Variants in SPEF2 observed in about 807,000 individuals in gnomAD.
SPEF2 encodes sperm flagella and cilia-associated protein 2.
A neutral mutation model predicts 224.6 loss-of-function variants in SPEF2; 187 were observed. That is an observed-to-expected ratio of 0.83 (90% CI 0.74 to 0.94). The LOEUF is 0.94. Among genes scored for constraint, SPEF2 ranks in the 40% least tolerant of loss-of-function variants. SPEF2 has a pLI of 0.00. For missense variants in SPEF2, 2,170 were observed against 2,135.6 expected, an observed-to-expected ratio of 1.02 and a Z score of -0.32; for synonymous variants, 715 against 707.3, an observed-to-expected ratio of 1.01 and a Z score of -0.17.
intron 2 of SPEF2, among the ~76,000 whole-genome samples, chr5:35,637,365 G>A (rs547062461): frequency 2.2e-4 from 33 of 152,238 alleles, no homozygotes; most frequent in Admixed American, 7.2e-4. Context: ...TGCCATTTAC[G>A]AAGATGTACT....
At chr5:35,710,411 G>T (rs1561240460) in intron 19 of SPEF2, 1 of 518,724 alleles carries the variant, frequency 1.9e-6, no homozygotes, top group Middle Eastern at 1.0e-3. Context: ...ACAAAAATTA[G>T]CTGGGCGTGG....
chr5:35,697,750 A>G lies in SPEF2; in HGVS notation c.2098A>G (p.Ile700Val), dbSNP rs1258738573. ...ACAGTTGCTGAAGAAAGGAAAGAGC[A>G]TTCCTGATGTGCTGCTTGTTGACAT... The part of the protein sequence containing the change: ...SEQLLKKGKS[I>V]PDVLLVDIIV... The change falls in exon 15 of 37, where the codon ATT (isoleucine) becomes GTT (valine). Residue 700 changes from isoleucine (I) to valine (V), a missense_variant. Ile to Val is a conservative substitution (Grantham distance 29). Coordinates refer to ENST00000356031, the MANE Select transcript of SPEF2 (RefSeq NM_024867.4). 6.2e-7 allele frequency: 1 copy of G among 1,613,448 alleles called. No individual in the cohort carries two copies. Among genetic ancestry groups the G allele is most frequent in the Admixed American group, 1.7e-5 (1 of 59,966 alleles).
rs991304759 is a variant in SPEF2, at chr5:35,705,527, C to G, written c.2508-124C>G. 7.7e-5 allele frequency: 49 copies of G among 640,446 alleles called. No individual in the cohort carries two copies. The African/African-American group carries it at 8.8e-4, about 12-fold the overall frequency. The allele number at this position is 640,446 out of a possible 1,614,324, so 39.7% of individuals were successfully genotyped here. On this transcript the variant is annotated intron_variant, in intron 17 of 36. Coordinates refer to ENST00000356031, the MANE Select transcript of SPEF2 (RefSeq NM_024867.4). ...TAATCTAAAATAAATAACATTGTTT[C>G]TTTTTCAGATACAATTATATTGGCA...
chr5:35,754,648 G>C (rs1750180292), intron 24 of SPEF2, among the ~76,000 whole-genome samples: 2 of 152,144 alleles, frequency 1.3e-5, no homozygotes, highest in Admixed American at 1.3e-4. Context: ...ACTGGTAGGA[G>C]GCTTTTGAAA....
rs1742865429 is a variant in SPEF2 at position 35,617,877 on chromosome 5, C to T, written c.-121C>T. Reference sequence around the variant, plus strand: ...TTCTCTAAGGCCTTTCGCCTAGTTCCAGCCTGGATACGCTTCCATAGCAAA... The same window carrying T: ...TTCTCTAAGGCCTTTCGCCTAGTTCTAGCCTGGATACGCTTCCATAGCAAA... On this transcript the variant is annotated 5_prime_UTR_variant, in exon 1 of 37. Coordinates refer to ENST00000356031, the MANE Select transcript of SPEF2 (RefSeq NM_024867.4). 1.0e-6 allele frequency: 1 copy of T among 956,826 alleles called. No homozygotes were observed. The highest frequency in any genetic ancestry group is 1.6e-6 in the Non-Finnish European group (1 of 608,864). 59.3% of individuals were successfully genotyped at this position (956,826 alleles called of 1,614,324 possible). A position where few individuals can be genotyped will look rare whatever the true frequency, so the allele number is the denominator to read the frequency against.
At chr5:35,746,533 A>G (rs1748552934) in intron 23 of SPEF2, among the ~76,000 whole-genome samples, 1 of 152,200 alleles carries the variant, frequency 6.6e-6, no homozygotes, top group African/African-American at 2.4e-5. Context: ...TGTTCTGGAA[A>G]GTCTCAGCAA....
chr5:35,700,308 C>T (rs1269237574), intron 15 of SPEF2, 188 bp from the exon 16 acceptor site: 2 of 617,116 alleles, frequency 3.2e-6, no homozygotes, highest in Non-Finnish European at 5.6e-6. Flanking sequence ...ACAGTATCCA[C>T]AGAAGTATTT....
At chr5:35,788,452 T>C (rs1477085606) in intron 30 of SPEF2, 3 of 702,610 alleles carry the variant, frequency 4.3e-6, no homozygotes, top group Non-Finnish European at 7.8e-6. Context: ...AATTTTTCTC[T>C]GTCATCAGTG....
intron 21 of SPEF2, among the ~76,000 whole-genome samples, chr5:35,730,695 A>G (rs1745504856): frequency 6.6e-6 from 1 of 152,250 alleles, no homozygotes; most frequent in Non-Finnish European, 1.5e-5. Context: ...ATGATCAATC[A>G]TTTAGGAGAA....
chr5:35,720,644 C>T (rs1743472798), intron 20 of SPEF2, among the ~76,000 whole-genome samples: 1 of 152,078 alleles, frequency 6.6e-6, no homozygotes, highest in African/African-American at 2.4e-5. Context: ...AACATAACAA[C>T]CTTAATTATG....
chr5:35,679,855 G>T (rs774276629), intron 10 of SPEF2, among the ~76,000 whole-genome samples: 2 of 152,130 alleles, frequency 1.3e-5, no homozygotes, highest in Non-Finnish European at 2.9e-5. Flanking sequence ...CCATGTTCAA[G>T]TGTGACAGAT....
intron 2 of SPEF2, among the ~76,000 whole-genome samples, chr5:35,638,444 G>A (rs975456965): frequency 1.3e-5 from 2 of 151,876 alleles, no homozygotes; most frequent in African/African-American, 4.8e-5. Context: ...CATACACATC[G>A]TATGTTTTTG....
At chr5:35,636,115 G>T (rs1392204377) in intron 2 of SPEF2, among the ~76,000 whole-genome samples, 3 of 151,928 alleles carry the variant, frequency 2.0e-5, no homozygotes, top group Non-Finnish European at 2.9e-5. Flanking sequence ...TGCTTTTTTT[G>T]TTTGTTTGTT....
At chr5:35,639,293 A>G (rs1397109282) in intron 2 of SPEF2, among the ~76,000 whole-genome samples, 1 of 152,152 alleles carries the variant, frequency 6.6e-6, no homozygotes. Context: ...TGAGAACCAA[A>G]TATCATCCAT....
intron 30 of SPEF2, chr5:35,790,901 T>C (rs921170112): frequency 2.0e-5 from 3 of 152,230 alleles, no homozygotes; most frequent in African/African-American, 4.8e-5. Context: ...AAGGCAAATA[T>C]TAAAACAGTT....
At chr5:35,676,282 T>C (rs2149492889) in intron 10 of SPEF2, among the ~76,000 whole-genome samples, 1 of 150,258 alleles carries the variant, frequency 6.7e-6, no homozygotes, top group Non-Finnish European at 1.5e-5. Flanking sequence ...GGTCAGGGCT[T>C]TTCTGGGCTT....
At chr5:35,671,821 G>A (rs183332615) in intron 10 of SPEF2, among the ~76,000 whole-genome samples, 10 of 151,712 alleles carry the variant, frequency 6.6e-5, no homozygotes, top group South Asian at 2.1e-4. Context: ...GTTTGTGAGC[G>A]TCTAGCAATG....
intron 23 of SPEF2, among the ~76,000 whole-genome samples, chr5:35,748,493 T>C (rs545904711): frequency 6.6e-6 from 1 of 152,142 alleles, no homozygotes; most frequent in East Asian, 1.9e-4. Flanking sequence ...CAGGAGATAT[T>C]ACAACTGACA....
At chr5:35,665,566 GT>G (rs1013307995) in intron 8 of SPEF2, among the ~76,000 whole-genome samples, 2 of 151,888 alleles carry the variant, frequency 1.3e-5, no homozygotes, top group Non-Finnish European at 1.5e-5. Context: ...TCCCTTAAAG[GT>G]TTTTTTTCCT....
Sources: gnomAD v4.1 joint callset for allele counts (sites outside exome capture counted in the v4.1 genomes callset) on GRCh38, gnomAD v4.1.1 for gene constraint, MANE v1.5 for transcripts, NCBI Gene and HGNC (gene_info 2026-07-23, HGNC 2026-07-21) for gene names.